The following PROM2 variants were observed in gnomAD, a reference collection of about 807,000 sequenced individuals.
The protein encoded by PROM2 is prominin-2.
A neutral mutation model predicts 110.2 loss-of-function variants in PROM2; 90 were observed. That is an observed-to-expected ratio of 0.82 (90% CI 0.69 to 0.97). The LOEUF is 0.97. PROM2 is among the 50% of genes least tolerant of loss of function. The probability of loss-of-function intolerance (pLI) is 0.00; values close to 1 mark genes in which losing one functional copy is unlikely to be tolerated. For synonymous variants in PROM2, 470 were observed against 467.8 expected, an observed-to-expected ratio of 1.00 and a Z score of -0.06; for missense variants, 1,009 against 1,074.8, an observed-to-expected ratio of 0.94 and a Z score of 0.86.
rs771976968 is a variant in PROM2 at position 95,287,492 on chromosome 2, G to A, written c.2244+28G>A. ...GAGTGGGGCCTCAGAAGCAATGACT[G>A]ATTCCCTGCTCCATCGGACCAGCTG... On this transcript the variant is annotated intron_variant, in intron 20 of 23. Transcript: ENST00000317620. The A allele has an allele frequency of 9.3e-6, 15 of 1,606,672 alleles. No individual in the cohort carries two copies. In the Admixed American group the frequency reaches 1.8e-4, roughly 20 times the overall value.
At chr2:95,279,171 G>T (rs1327408330) in intron 10 of PROM2, 27 bp downstream of exon 10, 2 of 1,242,472 alleles carry the variant, frequency 1.6e-6, no homozygotes, top group Non-Finnish European at 1.1e-6. Context: ...GGTGGGATGG[G>T]GTGGGGTGGG....
chr2:95,280,493 C>T (rs1284920988), intron 11 of PROM2, among the ~76,000 whole-genome samples: 1 of 152,222 alleles, frequency 6.6e-6, no homozygotes, highest in Non-Finnish European at 1.5e-5. Flanking sequence ...GATCTTTACT[C>T]CTCAGACCTG....
In PROM2 at chr2:95,276,742, A is replaced by C. The variant is rs1432757515; in HGVS notation, c.682+85A>C. 2.1e-6 allele frequency: 3 copies of C among 1,442,874 alleles called. No individual in the cohort carries two copies. The highest frequency in any genetic ancestry group is 2.9e-6 in the Non-Finnish European group (3 of 1,033,618). 89.4% of individuals were successfully genotyped at this position (1,442,874 alleles called of 1,614,324 possible). ...CTCGGTGGGGGCCTCTCACTCCCTC[A>C]TTCTGGACACCCCCGGGAACAGGCT... On this transcript the variant is annotated intron_variant, in intron 5 of 23. Coordinates refer to ENST00000317620, the MANE Select transcript of PROM2 (RefSeq NM_001165978.3). The surrounding 1 kb of genome is among the most constrained non-coding windows in gnomAD (Gnocchi z 4.6).
chr2:95,276,702 C>T lies in PROM2; in HGVS notation c.682+45C>T, dbSNP rs1676684912. ...GCAGGTGGGCTGGCTCCTTCCAGGG[C>T]CCCTGCTCGGGTGCCTCGGTGGGGG... On this transcript the variant is annotated intron_variant, in intron 5 of 23. Transcript: ENST00000317620. This position sits in a 1 kb window ranked among gnomAD's most constrained non-coding sequence, Gnocchi z 4.6. 1 of 1,602,930 alleles carries T rather than the reference C, an allele frequency of 6.2e-7. No individual in the cohort carries two copies. Among genetic ancestry groups the T allele is most frequent in the Non-Finnish European group, 8.5e-7 (1 of 1,172,000 alleles).
rs1372442755 is a variant in PROM2 at position 95,288,956 on chromosome 2, A to G, written c.2465A>G (p.Gln822Arg). The G allele has an allele frequency of 1.2e-6, 2 of 1,614,028 alleles. No individual in the cohort carries two copies. Among genetic ancestry groups the G allele is most frequent in the South Asian group, 1.1e-5 (1 of 91,078 alleles). Residue 822 changes from glutamine to arginine, a missense_variant, in exon 23 of 24, where the codon CAG becomes CGG. Coordinates refer to ENST00000317620, the MANE Select transcript of PROM2 (RefSeq NM_001165978.3). ...RLSSTSSEET[Q>R]LFHIPRVTSL... ...AGCTCCACCAGCTCTGAGGAGACTC[A>G]GCTCTTCCACATCCCCCGGGTTACC...
rs543701520 is a variant in PROM2, at chr2:95,278,512, G to A, written c.1051-209G>A. ...CTGCAATGGTGGGAGAGGGATGGGG[G>A]TAGGAAGAAGAGGTCCGGGAGGAGC... On this transcript the variant is annotated intron_variant, in intron 8 of 23. Transcript: ENST00000317620. 10 of 628,286 alleles carry A rather than the reference G, an allele frequency of 1.6e-5. No homozygotes were observed. The East Asian group carries it at 2.5e-4, about 16-fold the overall frequency. 38.9% of individuals were successfully genotyped at this position (628,286 alleles called of 1,614,324 possible).
Position 95,275,897 on chromosome 2 carries a change from CG to C in PROM2, c.295-30del. The stretch of plus-strand genomic sequence containing the variant: ...GAAGCCAGGGCTGGGCAGTGGGGGT[CG>C]GGTCACCCCTCATGCCCTGCTGCCT... On this transcript the variant is annotated intron_variant, in intron 2 of 23. Coordinates refer to ENST00000317620, the MANE Select transcript of PROM2 (RefSeq NM_001165978.3). This position sits in a 1 kb window ranked among gnomAD's most constrained non-coding sequence, Gnocchi z 4.4. The C allele has an allele frequency of 6.3e-7, 1 of 1,586,264 alleles. No individual in the cohort carries two copies. Among genetic ancestry groups the C allele is most frequent in the Non-Finnish European group, 8.6e-7 (1 of 1,168,494 alleles).
rs200030602 is a variant in PROM2 at position 95,279,998 on chromosome 2, G to A, written c.1427+1G>A. 88 of 1,445,068 alleles carry A rather than the reference G, an allele frequency of 6.1e-5. 1 individual carries two copies. Among genetic ancestry groups the A allele is most frequent in the South Asian group, 5.4e-4 (36 of 67,018 alleles). 89.5% of individuals were successfully genotyped at this position (1,445,068 alleles called of 1,614,324 possible). The stretch of plus-strand genomic sequence containing the variant: ...AGGCTGGAGCCCGCTTCCTCATGGC[G>A]TAAGAAAGGGCTGGGAGAGGGGAAG... On this transcript the variant is annotated splice_donor_variant, in intron 11 of 23. Coordinates refer to ENST00000317620, the MANE Select transcript of PROM2 (RefSeq NM_001165978.3). LOFTEE classifies it high-confidence loss of function.
In PROM2 at chr2:95,276,318, C is replaced by T. The variant is rs140211541; in HGVS notation, c.589C>T (p.Leu197Phe). ...GGCCATGCCTGAGACCCTGCTCAGC[C>T]TCTGGGGCCTGGTCTCTGATGTCCC... ...IEAMPETLLSLWGLVSDVPQE... is the reference protein window; with the variant it reads ...IEAMPETLLSFWGLVSDVPQE... Residue 197 changes from leucine to phenylalanine, a missense_variant, in exon 4 of 24, where the codon CTC (leucine) becomes TTC (phenylalanine). Transcript: ENST00000317620. This position sits in a 1 kb window ranked among gnomAD's most constrained non-coding sequence, Gnocchi z 4.6. 4.2e-5 allele frequency: 67 copies of T among 1,613,632 alleles called. No homozygotes were observed. The Admixed American group carries it at 9.5e-4, about 23-fold the overall frequency.
Position 95,287,164 on chromosome 2 carries a change from C to T in PROM2, c.2126C>T (p.Thr709Ile). The T allele has an allele frequency of 6.2e-7, 1 of 1,614,034 alleles. No individual in the cohort carries two copies. The highest frequency in any genetic ancestry group is 8.5e-7 in the Non-Finnish European group (1 of 1,180,024). The change falls in exon 19 of 24, where the codon ACC becomes ATC. Residue 709 changes from threonine to isoleucine, a missense_variant. Thr to Ile is a moderately conservative substitution (Grantham distance 89, BLOSUM62 -1). Coordinates refer to ENST00000317620, the MANE Select transcript of PROM2 (RefSeq NM_001165978.3). ...ACCTCAGATGTCCTAGCCAATGTCA[C>T]CTACCTGAAAGGAGAGCTGCCTGCC... Reference protein sequence around the residue: ...LETSDVLANVTYLKGELPAWA... With the variant: ...LETSDVLANVIYLKGELPAWA...
chr2:95,281,489 A>G, intron 12 of PROM2, 124 bp downstream of exon 12: 1 of 1,236,154 alleles, frequency 8.1e-7, no homozygotes, highest in South Asian at 1.5e-5. Context: ...GGGAGGAGTG[A>G]GACAGACATG....
At chr2:95,278,313 C>T in intron 8 of PROM2, 2 of 537,232 alleles carry the variant, frequency 3.7e-6, no homozygotes, top group East Asian at 3.2e-5. Context: ...TGTTGTGAGT[C>T]AGCGCCCAGG....
intron 11 of PROM2, 129 bp from the exon 12 acceptor site, chr2:95,281,113 T>G: frequency 7.8e-7 from 1 of 1,288,628 alleles, no homozygotes; most frequent in Non-Finnish European, 1.1e-6. Context: ...CCAAGCTCCT[T>G]TCCTCTAAAG....
Position 95,286,848 on chromosome 2 carries a change from G to A in PROM2, c.2085G>A (p.Pro695=), listed in dbSNP as rs375459779. 102 of 1,613,730 alleles carry A rather than the reference G, an allele frequency of 6.3e-5. No homozygotes were observed. Among genetic ancestry groups the A allele is most frequent in the African/African-American group, 1.5e-4 (11 of 74,956 alleles). ...TCAGGGCCCTGGAGTCCTCTGCCCC[G>A]AATCTCCAGGTGGCTGCTGTTGGTG... ...LSVRALESSA[P]NLQLETSDVL... is the part of the protein sequence containing the mutation. Residue 695 remains proline (P), a synonymous_variant, in exon 18 of 24, where the codon CCG becomes CCA. Coordinates refer to ENST00000317620, the MANE Select transcript of PROM2 (RefSeq NM_001165978.3).
At chr2:95,285,300 C>T (rs1229000414) in intron 15 of PROM2, among the ~76,000 whole-genome samples, 185 bp downstream of exon 15, 12 of 152,204 alleles carry the variant, frequency 7.9e-5, no homozygotes, top group Admixed American at 3.9e-4. Context: ...GCCACCACCC[C>T]GGTCACACAG....
chr2:95,275,627 C>T lies in PROM2; in HGVS notation c.294+117C>T. 12 of 1,381,478 alleles carry T rather than the reference C, an allele frequency of 8.7e-6. No individual in the cohort carries two copies. Among genetic ancestry groups the T allele is most frequent in the Non-Finnish European group, 1.2e-5 (12 of 1,013,326 alleles). The allele number at this position is 1,381,478 out of a possible 1,614,324, so 85.6% of individuals were successfully genotyped here. On this transcript the variant is annotated intron_variant, in intron 2 of 23. Transcript: ENST00000317620. This position sits in a 1 kb window ranked among gnomAD's most constrained non-coding sequence, Gnocchi z 4.4. ...TCGCTGGGTGTCCACTAGGCAGGGG[C>T]TCAGGCATCCTCTCCCCTCCTCTGT...
At chr2:95,278,036 C>A in intron 8 of PROM2, 32 bp downstream of exon 8, 1 of 1,578,806 alleles carries the variant, frequency 6.3e-7, no homozygotes, top group East Asian at 2.3e-5. Context: ...TGATTTCTCC[C>A]TCACCTGCCA....
chr2:95,278,541 G>A (rs770659168), intron 8 of PROM2, 180 bp from the exon 9 acceptor site: 18 of 695,074 alleles, frequency 2.6e-5, no homozygotes, highest in Non-Finnish European at 3.3e-5. Context: ...GAGGAGCAAC[G>A]TTTTGGGAAG....
Position 95,275,774 on chromosome 2 carries a change from AGT to A in PROM2, c.295-155_295-154del. 1 of 1,470,176 alleles carries A rather than the reference AGT, an allele frequency of 6.8e-7. No homozygotes were observed. Among genetic ancestry groups the A allele is most frequent in the Admixed American group, 2.3e-5 (1 of 44,316 alleles). The allele number at this position is 1,470,176 out of a possible 1,614,324, so 91.1% of individuals were successfully genotyped here. A position where few individuals can be genotyped will look rare whatever the true frequency, so the allele number is the denominator to read the frequency against. ...CCTCCTGTGTAAGATGGTGATGAGC[AGT>A]AAGAATGCGGTCACCTCTGGGACGG... On this transcript the variant is annotated intron_variant, in intron 2 of 23. Transcript: ENST00000317620. The surrounding 1 kb of genome is among the most constrained non-coding windows in gnomAD (Gnocchi z 4.4).
Sources: gnomAD v4.1 joint callset for allele counts (sites outside exome capture counted in the v4.1 genomes callset) on GRCh38, gnomAD v4.1.1 for gene constraint, Gnocchi (gnomAD v3.1) non-coding constraint, MANE v1.5 for transcripts, NCBI Gene and HGNC (gene_info 2026-07-23, HGNC 2026-07-21) for gene names.